SNRPN: variants seen among roughly 807,000 people sequenced by gnomAD.
SNRPN encodes small nuclear ribonucleoprotein polypeptide N, also known as small nuclear ribonucleoprotein-associated protein N.
SNRPN carries 7 observed loss-of-function variants against 25.2 expected under a neutral mutation model. The observed-to-expected ratio is 0.28, with a 90% CI of 0.16 to 0.52. SNRPN has a LOEUF of 0.52. Among genes scored for constraint, SNRPN ranks in the 20% least tolerant of loss-of-function variants. The probability of loss-of-function intolerance (pLI) is 0.96; values close to 1 mark genes in which losing one functional copy is unlikely to be tolerated. For missense variants in SNRPN, 196 were observed against 322.5 expected (o/e 0.61, Z 3.00); for synonymous variants, 124 against 110.6 (o/e 1.12, Z -0.76).
chr15:24,963,237 T>G (rs897550846), intron 2 of SNRPN, among the ~76,000 whole-genome samples: 3 of 152,238 alleles, frequency 2.0e-5, no homozygotes, highest in Non-Finnish European at 4.4e-5. Context: ...GTGATAACAT[T>G]ATTATTGTAA....
intron 2 of SNRPN, among the ~76,000 whole-genome samples, chr15:24,897,960 TA>T (rs938825736): frequency 6.6e-6 from 1 of 152,054 alleles, no homozygotes; most frequent in Non-Finnish European, 1.5e-5. Context: ...AATACATGAA[TA>T]AAAAAAGTTG....
At chr15:24,848,222 GGGCGGCGGTGGGGGCGGGGGCGGC>G (rs2145063202) in intron 2 of SNRPN, 1 of 138,152 alleles carries the variant, frequency 7.2e-6, no homozygotes, top group African/African-American at 2.8e-5. Context: ...TGGGGGGCGG[GGGCGGCGGTGGGGGCGGGGGCGGC>G]GGCGGGGGCG....
intron 2 of SNRPN, among the ~76,000 whole-genome samples, chr15:24,903,849 G>A (rs932450222): frequency 2.0e-5 from 3 of 152,022 alleles, no homozygotes; most frequent in Non-Finnish European, 4.4e-5. Context: ...CTTGGGCAAT[G>A]TGGATAAACC....
chr15:24,928,573 A>C (rs1010072319), intron 3 of SNRPN, among the ~76,000 whole-genome samples: 2 of 152,174 alleles, frequency 1.3e-5, no homozygotes, highest in African/African-American at 2.4e-5. Flanking sequence ...GTATCAAAAA[A>C]AATTGTCATT....
At chr15:24,869,712 T>G (rs2054904692) in intron 1 of SNRPN, among the ~76,000 whole-genome samples, 1 of 152,164 alleles carries the variant, frequency 6.6e-6, no homozygotes, top group Non-Finnish European at 1.5e-5. Context: ...GCAATTTGAT[T>G]ACCTGGACAA....
In SNRPN at chr15:24,978,593, G is replaced by C; in HGVS notation, c.*149G>C. ...AGCAATTAAACTGTGAGGTACTGTTGTATATATTTTTTTGCCTGTTGATTT... is the reference window on the plus strand; with the variant it reads ...AGCAATTAAACTGTGAGGTACTGTTCTATATATTTTTTTGCCTGTTGATTT... On this transcript the variant is annotated 3_prime_UTR_variant, in exon 10 of 10. Coordinates refer to ENST00000390687, the MANE Select transcript of SNRPN (RefSeq NM_003097.6). The C allele has an allele frequency of 1.3e-6, 1 of 763,290 alleles. No homozygotes were observed. The highest frequency in any genetic ancestry group is 2.2e-6 in the Non-Finnish European group (1 of 455,214). The allele number at this position is 763,290 out of a possible 1,614,324, so 47.3% of individuals were successfully genotyped here.
intron 2 of SNRPN, among the ~76,000 whole-genome samples, chr15:24,838,461 G>T (rs1040174362): frequency 1.3e-5 from 2 of 152,110 alleles, no homozygotes; most frequent in African/African-American, 4.8e-5. Flanking sequence ...GTTTCCCATA[G>T]TGGCCACAGC....
Position 24,962,203 on chromosome 15 carries a change from A to G in SNRPN, c.-301A>G, listed in dbSNP as rs752792774. The G allele has an allele frequency of 3.1e-6, 5 of 1,613,526 alleles. No homozygotes were observed. In the South Asian group the frequency reaches 4.4e-5, roughly 14 times the overall value. ...CGCAGAAGGACTGCCTCACTGAGCA[A>G]CCAAGAGTGAGTACAGACTGTGTTG... On this transcript the variant is annotated 5_prime_UTR_variant, in exon 2 of 10. Coordinates refer to ENST00000390687, the MANE Select transcript of SNRPN (RefSeq NM_003097.6).
upstream of SNRPN, chr15:24,852,379 T>C (rs574266249): frequency 1.7e-4 from 26 of 152,294 alleles, no homozygotes; most frequent in Admixed American, 1.5e-3. Flanking sequence ...TAGGCGATCA[T>C]TGGGCATCAT....
At chr15:24,859,394 C>T (rs1051999045) in intron 1 of SNRPN, among the ~76,000 whole-genome samples, 5 of 152,048 alleles carry the variant, frequency 3.3e-5, no homozygotes, top group Admixed American at 1.3e-4. Context: ...ACTAGAGGAA[C>T]GCATTCTCTA....
intron 1 of SNRPN, among the ~76,000 whole-genome samples, chr15:24,878,175 C>T (rs909098531): frequency 7.9e-5 from 12 of 152,220 alleles, no homozygotes; most frequent in African/African-American, 2.9e-4. Context: ...TTAAGTTATT[C>T]TTTAAAACGC....
chr15:24,891,904 A>G (rs566708207), intron 2 of SNRPN, among the ~76,000 whole-genome samples: 1 of 152,290 alleles, frequency 6.6e-6, no homozygotes, highest in Admixed American at 6.5e-5. Context: ...TAGTAATACA[A>G]AGTCACTGTT....
chr15:24,957,464 TAATG>T (rs1418079046), intron 1 of SNRPN, among the ~76,000 whole-genome samples: 5 of 152,248 alleles, frequency 3.3e-5, no homozygotes, highest in Non-Finnish European at 7.3e-5. Context: ...TGAGAAAGGT[TAATG>T]AATAACTGCA....
At chr15:24,925,833 C>T (rs770751393) in intron 3 of SNRPN, among the ~76,000 whole-genome samples, 2 of 152,014 alleles carry the variant, frequency 1.3e-5, no homozygotes, top group Non-Finnish European at 2.9e-5. Context: ...GCTCTGCCTC[C>T]CAGGTTCACG....
In SNRPN at chr15:24,906,743, T is replaced by G. The variant is rs140694491; in HGVS notation, c.-504-13268T>G. On this transcript the variant is annotated intron_variant, in intron 2 of 11. Transcript: ENST00000400097. The stretch of plus-strand genomic sequence containing the variant: ...TTACAGAGACTCAAGGGGGTGTAAG[T>G]GCCTATTATCAGAGGTCATTCTTAC... Among the ~76,000 whole-genome samples the G allele has an allele frequency of 2.3e-3, 353 of 152,320 alleles. 3 individuals are homozygous for G. Among genetic ancestry groups the G allele is most frequent in the African/African-American group, 8.0e-3 (333 of 41,568 alleles).
chr15:24,977,756 G>A (rs766626894), intron 7 of SNRPN, 22 bp from the exon 8 acceptor site: 1 of 1,569,802 alleles, frequency 6.4e-7, no homozygotes, highest in Non-Finnish European at 8.6e-7. Context: ...CGCTTTGACT[G>A]TTTCCCGCCC....
intron 3 of SNRPN, among the ~76,000 whole-genome samples, chr15:24,927,468 GTTTTTAAATTT>G (rs2060462543): frequency 1.2e-5 from 1 of 84,682 alleles, no homozygotes; most frequent in Non-Finnish European, 2.3e-5. Flanking sequence ...TGCTTATAAA[GTTTTTAAATTT>G]TTTTTTTTTT....
chr15:24,954,526 G>C (rs1345377556), upstream of SNRPN, among the ~76,000 whole-genome samples: 1 of 152,154 alleles, frequency 6.6e-6, no homozygotes, highest in Non-Finnish European at 1.5e-5. Flanking sequence ...CATGCTTTTA[G>C]AGTTAGGGAT....
At chr15:24,858,222 G>A (rs1315212914) in intron 1 of SNRPN, among the ~76,000 whole-genome samples, 1 of 152,126 alleles carries the variant, frequency 6.6e-6, no homozygotes, top group Non-Finnish European at 1.5e-5. Context: ...GATGGAGGGG[G>A]GTTGTTTTGG....
Sources: allele counts gnomAD v4.1 joint callset (sites outside exome capture counted in the v4.1 genomes callset), GRCh38; gene constraint gnomAD v4.1.1; transcripts MANE v1.5; gene names NCBI Gene and HGNC (gene_info 2026-07-23, HGNC 2026-07-21).